The following FER1L6 variants were observed in gnomAD, a reference collection of about 807,000 sequenced individuals.
The protein encoded by FER1L6 is fer-1-like protein 6.
In FER1L6, 177 loss-of-function variants were observed where a neutral mutation model predicts 219.2. That is an observed-to-expected ratio of 0.81 (90% CI 0.71 to 0.91). The LOEUF (loss-of-function observed/expected upper bound fraction) is 0.91. Among genes scored for constraint, FER1L6 ranks in the 40% least tolerant of loss-of-function variants. The probability of loss-of-function intolerance (pLI) is 0.00; values close to 1 mark genes in which losing one functional copy is unlikely to be tolerated. For synonymous variants in FER1L6, 768 were observed against 824.3 expected (o/e 0.93, Z 1.17); for missense variants, 2,153 against 2,259.9 (o/e 0.95, Z 0.96).
At chr8:123,924,209 T>G (rs1586471099) in intron 1 of FER1L6, among the ~76,000 whole-genome samples, 2 of 117,636 alleles carry the variant, frequency 1.7e-5, no homozygotes. Flanking sequence ...CACTCCAGCT[T>G]GGGTGACAGA....
rs938385334 is a variant in FER1L6, at chr8:124,111,661, G to A, written c.5290-7183G>A. Among the ~76,000 whole-genome samples, 3 of 152,130 alleles carry A rather than the reference G, an allele frequency of 2.0e-5. No individual in the cohort carries two copies. Among genetic ancestry groups the A allele is most frequent in the African/African-American group, 7.2e-5 (3 of 41,418 alleles). On this transcript the variant is annotated intron_variant, in intron 39 of 40. Coordinates refer to ENST00000522917, the MANE Select transcript of FER1L6 (RefSeq NM_001039112.2). The surrounding 1 kb of genome is among the most constrained non-coding windows in gnomAD (Gnocchi z 5.0). The stretch of plus-strand genomic sequence containing the variant: ...GCCTTCTCTTTTTAGACCATATAGG[G>A]TAACTTCCTGACATTACCGTGGCAT...
chr8:123,972,983 G>A (rs566752560), intron 6 of FER1L6, among the ~76,000 whole-genome samples: 17 of 152,290 alleles, frequency 1.1e-4, no homozygotes, highest in Admixed American at 2.0e-4. Flanking sequence ...TGTTCTCACC[G>A]TTGTACATGC....
chr8:124,101,242 A>C lies in FER1L6; in HGVS notation c.5029A>C (p.Asn1677His). The C allele has an allele frequency of 2.5e-6, 4 of 1,613,772 alleles. No individual in the cohort carries two copies. Among genetic ancestry groups the C allele is most frequent in the Non-Finnish European group, 3.4e-6 (4 of 1,179,878 alleles). The change falls in exon 38 of 41, where the codon AAC (asparagine) becomes CAC (histidine). Residue 1677 changes from asparagine to histidine, a missense_variant. Asn to His is a moderately conservative substitution (Grantham distance 68, BLOSUM62 1). Coordinates refer to ENST00000522917, the MANE Select transcript of FER1L6 (RefSeq NM_001039112.2). Reference protein sequence around the residue: ...EKQMVITKRENIFSLEKMECK... With the variant: ...EKQMVITKREHIFSLEKMECK... ...GCAAATGGTCATTACCAAGAGGGAG[A>C]ACATCTTCTCTTTAGAGAAGATGGA...
chr8:124,010,497 G>C (rs1170072327), intron 13 of FER1L6, 97 bp from the exon 14 acceptor site: 1 of 1,442,060 alleles, frequency 6.9e-7, no homozygotes, highest in African/African-American at 1.4e-5. Context: ...CATGCCTCCC[G>C]AGTCCTGCCC....
In FER1L6 at chr8:123,975,288, C is replaced by T. The variant is rs561340104; in HGVS notation, c.665C>T (p.Thr222Ile). ...AAGACCAGCCCTAAAACTTCTGACACCGAGGAGCCAATAGAAAAGTAAGAC... is the reference window on the plus strand; with the variant it reads ...AAGACCAGCCCTAAAACTTCTGACATCGAGGAGCCAATAGAAAAGTAAGAC... ...VLKTSPKTSD[T>I]EEPIEKNLLI... is the part of the protein sequence containing the mutation. Residue 222 changes from threonine (T) to isoleucine (I), a missense_variant, in exon 8 of 41, where the codon ACC (threonine) becomes ATC (isoleucine). Coordinates refer to ENST00000522917, the MANE Select transcript of FER1L6 (RefSeq NM_001039112.2). 4 of 1,609,988 alleles carry T rather than the reference C, an allele frequency of 2.5e-6. No individual in the cohort carries two copies. The highest frequency in any genetic ancestry group is 1.7e-4 in the Middle Eastern group (1 of 5,936).
At chr8:123,895,911 A>G (rs1812734251) in intron 1 of FER1L6, among the ~76,000 whole-genome samples, 1 of 152,328 alleles carries the variant, frequency 6.6e-6, no homozygotes, top group East Asian at 1.9e-4. Context: ...GGAGATCAGT[A>G]TAAACAGGAG....
intron 7 of FER1L6, among the ~76,000 whole-genome samples, chr8:123,974,481 CA>C (rs1693846862): frequency 6.6e-6 from 1 of 151,442 alleles, no homozygotes; most frequent in Admixed American, 6.6e-5. Flanking sequence ...ACTAAAAATA[CA>C]AAAATTAGCT....
Position 124,103,290 on chromosome 8 carries a change from C to T in FER1L6, c.5270C>T (p.Ser1757Phe), listed in dbSNP as rs763702847. The T allele has an allele frequency of 1.2e-6, 2 of 1,613,866 alleles. No homozygotes were observed. Among genetic ancestry groups the T allele is most frequent in the Non-Finnish European group, 1.7e-6 (2 of 1,179,888 alleles). The change falls in exon 39 of 41, where the codon TCT (serine) becomes TTT (phenylalanine). Residue 1757 changes from serine (S) to phenylalanine (F), a missense_variant. Coordinates refer to ENST00000522917, the MANE Select transcript of FER1L6 (RefSeq NM_001039112.2). Reference protein sequence around the residue: ...QKRVRGWWPFSKSKELTGKVE... With the variant: ...QKRVRGWWPFFKSKELTGKVE... Reference sequence around the variant, plus strand: ...CGTGTGCGTGGCTGGTGGCCTTTTTCTAAAAGCAAAGAACTCACAGTAAGT... The same window carrying T: ...CGTGTGCGTGGCTGGTGGCCTTTTTTTAAAAGCAAAGAACTCACAGTAAGT...
At chr8:123,894,063 T>C (rs892310259) in intron 1 of FER1L6, among the ~76,000 whole-genome samples, 5 of 152,122 alleles carry the variant, frequency 3.3e-5, no homozygotes, top group African/African-American at 1.2e-4. Flanking sequence ...GCCAATCCAA[T>C]AGCTCCATGG....
intron 7 of FER1L6, among the ~76,000 whole-genome samples, chr8:123,974,599 G>T (rs1057184109): frequency 1.7e-4 from 24 of 139,544 alleles, no homozygotes; most frequent in African/African-American, 6.3e-4. Context: ...TCATGCCATT[G>T]CTCTCCAGCT....
rs1816540121 is a variant in FER1L6 at position 123,852,953 on chromosome 8, A to G, written c.-8+768A>G. 6.6e-6 allele frequency among the ~76,000 whole-genome samples: 1 copy of G among 152,168 alleles called. No homozygotes were observed. Among genetic ancestry groups the G allele is most frequent in the Non-Finnish European group, 1.5e-5 (1 of 68,038 alleles). The stretch of plus-strand genomic sequence containing the variant: ...TTATATATCATATATCATATATGAA[A>G]TATGTATTAGATATAGATGTATTCT... On this transcript the variant is annotated intron_variant, in intron 1 of 40. Coordinates refer to ENST00000522917, the MANE Select transcript of FER1L6 (RefSeq NM_001039112.2). The surrounding 1 kb of genome is among the most constrained non-coding windows in gnomAD (Gnocchi z 4.9).
intron 1 of FER1L6, among the ~76,000 whole-genome samples, chr8:123,951,132 T>C (rs945217388): frequency 6.6e-6 from 1 of 152,242 alleles, no homozygotes; most frequent in African/African-American, 2.4e-5. Context: ...GGATAGCTCA[T>C]TGGTACTGTC....
chr8:124,053,657 A>G (rs1445952965), intron 22 of FER1L6, among the ~76,000 whole-genome samples: 3 of 152,102 alleles, frequency 2.0e-5, no homozygotes, highest in African/African-American at 4.8e-5. Context: ...CAGGAATTTG[A>G]GACTAGCCTC....
At chr8:123,940,186 A>G (rs1308498967) in intron 1 of FER1L6, among the ~76,000 whole-genome samples, 1 of 152,196 alleles carries the variant, frequency 6.6e-6, no homozygotes, top group African/African-American at 2.4e-5. Context: ...TGGGATAACA[A>G]TTGTAGACAC....
chr8:123,877,692 A>G (rs371648784), intron 1 of FER1L6, among the ~76,000 whole-genome samples: 1 of 151,660 alleles, frequency 6.6e-6, no homozygotes, highest in East Asian at 2.0e-4. Context: ...TCCATAACAT[A>G]TCTTTCAAAA....
intron 1 of FER1L6, among the ~76,000 whole-genome samples, chr8:123,916,692 T>C (rs1813201281): frequency 6.6e-6 from 1 of 152,176 alleles, no homozygotes; most frequent in South Asian, 2.1e-4. Flanking sequence ...TATCCAACCA[T>C]GGTGCATTTG....
At chr8:123,927,675 T>C (rs1255481110) in intron 1 of FER1L6, among the ~76,000 whole-genome samples, 3 of 152,212 alleles carry the variant, frequency 2.0e-5, no homozygotes, top group Non-Finnish European at 2.9e-5. Context: ...AATAGCTGGG[T>C]GGGCAGGCTG....
chr8:123,938,127 C>G (rs141618633), intron 1 of FER1L6, among the ~76,000 whole-genome samples: 68 of 152,330 alleles, frequency 4.5e-4, no homozygotes, highest in African/African-American at 1.5e-3. Flanking sequence ...CTGTGCTTTT[C>G]AAGGACAGAG....
Position 123,873,015 on chromosome 8 carries a change from A to AT in FER1L6, c.-8+20831dup, listed in dbSNP as rs1212807512. Among the ~76,000 whole-genome samples, 14 of 152,300 alleles carry AT rather than the reference A, an allele frequency of 9.2e-5. 1 individual carries two copies. In the East Asian group the frequency reaches 2.7e-3, roughly 29 times the overall value. On this transcript the variant is annotated intron_variant, in intron 1 of 40. Coordinates refer to ENST00000522917, the MANE Select transcript of FER1L6 (RefSeq NM_001039112.2). Reference sequence around the variant, plus strand: ...CAGAGAGTCACAAAATCCTGCTAAGATATCTTCTTGCCTGGCTTCCAGGCT... The same window carrying AT: ...CAGAGAGTCACAAAATCCTGCTAAGATTATCTTCTTGCCTGGCTTCCAGGCT...
Sources: gnomAD v4.1 joint callset for allele counts (sites outside exome capture counted in the v4.1 genomes callset) on GRCh38, gnomAD v4.1.1 for gene constraint, Gnocchi (gnomAD v3.1) non-coding constraint, MANE v1.5 for transcripts, NCBI Gene and HGNC (gene_info 2026-07-23, HGNC 2026-07-21) for gene names.